BAG1: variants seen among roughly 807,000 people sequenced by gnomAD.
The protein encoded by BAG1 is BAG cochaperone 1.
In BAG1, 35 loss-of-function variants were observed where a neutral mutation model predicts 35.5. The observed-to-expected ratio is 0.99, with a 90% CI of 0.75 to 1.31. The LOEUF is 1.31. Ranked by LOEUF, BAG1 falls within the 50% of genes most tolerant of loss-of-function variation. The pLI, the probability that BAG1 is intolerant of heterozygous loss-of-function variation, is 0.00. For synonymous variants in BAG1, 191 were observed against 178.9 expected (o/e 1.07, Z -0.54); for missense variants, 464 against 453.6 (o/e 1.02, Z -0.21).
chr9:33,258,352 C>T (rs1820500911), intron 4 of BAG1, among the ~76,000 whole-genome samples: 1 of 143,784 alleles, frequency 7.0e-6, no homozygotes, highest in Admixed American at 6.9e-5. Flanking sequence ...CCAATTAATG[C>T]TATAAAATGA....
Position 33,255,092 on chromosome 9 carries a change from A to G in BAG1, c.*127T>C. ...ATTTTTCATTGAGAACCAGTGTGAG[A>G]GTAGGAAAATTGGCAAATGGCCAGT... On this transcript the variant is annotated 3_prime_UTR_variant, in exon 7 of 7. Coordinates refer to ENST00000634734, the MANE Select transcript of BAG1 (RefSeq NM_004323.6). The G allele has an allele frequency of 1.2e-6, 2 of 1,602,356 alleles. No individual in the cohort carries two copies. The highest frequency in any genetic ancestry group is 1.7e-6 in the Non-Finnish European group (2 of 1,173,562).
At chr9:33,259,980 A>T (rs201946557) in intron 3 of BAG1, 3 of 152,354 alleles carry the variant, frequency 2.0e-5, no homozygotes, top group East Asian at 3.9e-4. Flanking sequence ...CAAAAGAGGT[A>T]GATTAGACTT....
At chr9:33,255,378 T>C in intron 6 of BAG1, 70 bp from the exon 7 acceptor site, 1 of 1,607,652 alleles carries the variant, frequency 6.2e-7, no homozygotes. Context: ...CAAGGCTCCT[T>C]GCTTACCCAT....
rs11551681 is a variant in BAG1 at position 33,264,480 on chromosome 9, G to A, written c.195C>T (p.Ala65=). The A allele has an allele frequency of 5.0e-6, 8 of 1,611,532 alleles. No homozygotes were observed. In the Middle Eastern group the frequency reaches 8.4e-4, roughly 168 times the overall value. The change falls in exon 1 of 7, where the codon GCC becomes GCT. Residue 65 remains alanine, a synonymous_variant. Coordinates refer to ENST00000634734, the MANE Select transcript of BAG1 (RefSeq NM_004323.6). Reference sequence around the variant, plus strand: ...TCTTCATCCGCGGCCTGCGAGCGCCGGCGGCGGCGCCCCTGGTGGGTCGGT... The same window carrying A: ...TCTTCATCCGCGGCCTGCGAGCGCCAGCGGCGGCGCCCCTGGTGGGTCGGT...
chr9:33,262,038 T>C, intron 2 of BAG1: 1 of 1,210,912 alleles, frequency 8.3e-7, no homozygotes, highest in Non-Finnish European at 1.1e-6. Context: ...TTAATAGTAA[T>C]TTCATAGAAG....
At chr9:33,257,892 G>A (rs1402560006) in intron 4 of BAG1, 5 of 152,044 alleles carry the variant, frequency 3.3e-5, no homozygotes, top group East Asian at 3.8e-4. Flanking sequence ...TTTGGTAATC[G>A]TCATCTCTGA....
At position 33,254,035 on chromosome 9, in the gene BAG1, G is replaced by A. The variant is rs149626839; in HGVS notation, c.*1184C>T. 6.6e-6 allele frequency: 1 copy of A among 151,744 alleles called. No individual in the cohort carries two copies. Among genetic ancestry groups the A allele is most frequent in the Non-Finnish European group, 1.5e-5 (1 of 67,946 alleles). The allele number at this position is 151,744 out of a possible 1,614,324, so 9.4% of individuals were successfully genotyped here. On this transcript the variant is annotated 3_prime_UTR_variant, in exon 7 of 7. Coordinates refer to ENST00000634734, the MANE Select transcript of BAG1 (RefSeq NM_004323.6). ...CTCTGTGACCCAGGCTGGAGTGCAG[G>A]GGCGTAATCTCGGCTCACAGCAACC... is the stretch of plus-strand genomic sequence containing the variant.
Position 33,264,386 on chromosome 9 carries a change from C to T in BAG1, c.289G>A (p.Glu97Lys). The T allele has an allele frequency of 6.2e-7, 1 of 1,611,320 alleles. No homozygotes were observed. Among genetic ancestry groups the T allele is most frequent in the Non-Finnish European group, 8.5e-7 (1 of 1,179,090 alleles). Residue 97 changes from glutamate (E) to lysine (K), a missense_variant, in exon 1 of 7, where the codon GAA (glutamate) becomes AAA (lysine). By Grantham distance (56) the Glu-to-Lys change is moderately conservative. Transcript: ENST00000634734. ...GTCGCCTCTTCACTCCAGGTCGCTT[C>T]CTCACTCAGGGTCAACTCCTCGCTC... is the stretch of plus-strand genomic sequence containing the variant.
Position 33,264,502 on chromosome 9 carries a change from C to T in BAG1, c.173G>A (p.Arg58Gln). Reference sequence around the variant, plus strand: ...GCCGGCGGCGGCGCCCCTGGTGGGTCGGTCATGCCCGCTGGCAGTACTCCG... The same window carrying T: ...GCCGGCGGCGGCGCCCCTGGTGGGTTGGTCATGCCCGCTGGCAGTACTCCG... The change falls in exon 1 of 7, where the codon CGA becomes CAA. Residue 58 changes from arginine to glutamine, a missense_variant. Coordinates refer to ENST00000634734, the MANE Select transcript of BAG1 (RefSeq NM_004323.6). 3 of 1,604,726 alleles carry T rather than the reference C, an allele frequency of 1.9e-6. No homozygotes were observed. The highest frequency in any genetic ancestry group is 2.5e-6 in the Non-Finnish European group (3 of 1,176,884).
intron 4 of BAG1, 40 bp downstream of exon 4, chr9:33,258,872 GGAAGCTCT>G: frequency 6.7e-7 from 1 of 1,501,914 alleles, no homozygotes; most frequent in Non-Finnish European, 9.3e-7. Context: ...GTTATATCCA[GGAAGCTCT>G]GATAGAAGGC....
chr9:33,264,369 TTCACTCCAGGTCGCTTCC>T lies in BAG1; in HGVS notation c.288_305del (p.Trp100_Thr105del). ...TCGCCTCCTCACTCTGGGTCGCCTC[TTCACTCCAGGTCGCTTCC>T]TCACTCAGGGTCAACTCCTCGCTCC... On this transcript the variant is annotated inframe_deletion, in exon 1 of 7. Transcript: ENST00000634734. The T allele has an allele frequency of 6.2e-7, 1 of 1,610,666 alleles. No homozygotes were observed. Among genetic ancestry groups the T allele is most frequent in the African/African-American group, 1.3e-5 (1 of 74,368 alleles).
rs16919129 is a variant in BAG1, at chr9:33,254,676, C to A, written c.*543G>T. On this transcript the variant is annotated 3_prime_UTR_variant, in exon 7 of 7. Coordinates refer to ENST00000634734, the MANE Select transcript of BAG1 (RefSeq NM_004323.6). ...TGGGAGGTGAGGACAAAGTCTAGAA[C>A]CCAACAACCCAGCCAGATGCTCTGG... 0.033 allele frequency: 6,939 copies of A among 212,856 alleles called. 527 individuals carry two copies. Among genetic ancestry groups the A allele is most frequent in the African/African-American group, 0.15 (6,318 of 42,630 alleles). 13.2% of individuals were successfully genotyped at this position (212,856 alleles called of 1,614,324 possible).
chr9:33,261,030 G>C (rs1186962403), intron 3 of BAG1, 57 bp downstream of exon 3: 21 of 1,452,092 alleles, frequency 1.4e-5, no homozygotes, highest in Non-Finnish European at 2.0e-5. Context: ...ACAGAAACAT[G>C]TATAAAAGAC....
At chr9:33,256,538 G>A (rs993907792) in intron 5 of BAG1, among the ~76,000 whole-genome samples, 1 of 152,156 alleles carries the variant, frequency 6.6e-6, no homozygotes, top group African/African-American at 2.4e-5. Flanking sequence ...GCTTCATGAC[G>A]ATTACAGATG....
At chr9:33,255,331 T>TAAG (rs1401432168) in intron 6 of BAG1, 23 bp from the exon 7 acceptor site, 8 of 1,614,060 alleles carry the variant, frequency 5.0e-6, no homozygotes, top group Non-Finnish European at 6.8e-6. Flanking sequence ...CACGGGGCAG[T>TAAG]AAGGGCCCAT....
At chr9:33,258,393 C>T (rs1009903150) in intron 4 of BAG1, among the ~76,000 whole-genome samples, 1 of 150,976 alleles carries the variant, frequency 6.6e-6, no homozygotes, top group African/African-American at 2.4e-5. Flanking sequence ...TGGTCTTGAG[C>T]TAGTCCTAAT....
At chr9:33,263,460 G>A (rs1820623885) in intron 1 of BAG1, among the ~76,000 whole-genome samples, 1 of 152,174 alleles carries the variant, frequency 6.6e-6, no homozygotes, top group African/African-American at 2.4e-5. Flanking sequence ...TCTTTTCCAG[G>A]GATGCGGACA....
rs1239489647 is a variant in BAG1, at chr9:33,256,459, A to AC, written c.885+341dup. 2.0e-5 allele frequency among the ~76,000 whole-genome samples: 3 copies of AC among 152,244 alleles called. No individual in the cohort carries two copies. The East Asian group carries it at 5.8e-4, about 29-fold the overall frequency. ...AATGAGCCCTGCAGAATTATCAGTC[A>AC]CATATTCATCAGAGAAAGTTAAATC... On this transcript the variant is annotated intron_variant, in intron 5 of 6. Coordinates refer to ENST00000634734, the MANE Select transcript of BAG1 (RefSeq NM_004323.6).
Position 33,264,284 on chromosome 9 carries a change from T to C in BAG1, c.391A>G (p.Ser131Gly), listed in dbSNP as rs1006995196. 1 of 1,613,900 alleles carries C rather than the reference T, an allele frequency of 6.2e-7. No homozygotes were observed. Among genetic ancestry groups the C allele is most frequent in the Non-Finnish European group, 8.5e-7 (1 of 1,179,982 alleles). Residue 131 changes from serine to glycine, a missense_variant, in exon 1 of 7, where the codon AGC becomes GGC. By Grantham distance (56) the Ser-to-Gly change is moderately conservative. Transcript: ENST00000634734. ...ATTTCCTCCCTGGTCACCTCCTCGC[T>C]CCGGGTCGACTCCTCGTCCCGGGTC... is the stretch of plus-strand genomic sequence containing the variant.
Sources: gnomAD v4.1 joint callset for allele counts (sites outside exome capture counted in the v4.1 genomes callset) on GRCh38, gnomAD v4.1.1 for gene constraint, MANE v1.5 for transcripts, NCBI Gene and HGNC (gene_info 2026-07-23, HGNC 2026-07-21) for gene names.